The following CCDC77 variants were observed in gnomAD, a reference collection of about 807,000 sequenced individuals.
The protein encoded by CCDC77 is coiled-coil domain containing 77, also known as coiled-coil domain-containing protein 77.
CCDC77 carries 56 observed loss-of-function variants against 66.8 expected under a neutral mutation model. The ratio of observed to expected loss-of-function variants is 0.84; its 90% CI spans 0.68 to 1.05. The LOEUF (loss-of-function observed/expected upper bound fraction) is 1.05. Among genes scored for constraint, CCDC77 ranks in the 50% least tolerant of loss-of-function variants. The pLI, the probability that CCDC77 is intolerant of heterozygous loss-of-function variation, is 0.00. For synonymous variants in CCDC77, 196 were observed against 195.2 expected (o/e 1.00, Z -0.03); for missense variants, 570 against 576.8 (o/e 0.99, Z 0.12).
chr12:407,981 G>A (rs1053152463), intron 2 of CCDC77, among the ~76,000 whole-genome samples: 2 of 151,876 alleles, frequency 1.3e-5, no homozygotes, highest in Non-Finnish European at 2.9e-5. Context: ...TAGAGATGGG[G>A]TTTCACCGTG....
At chr12:416,059 G>C (rs908931199) in intron 4 of CCDC77, among the ~76,000 whole-genome samples, 3 of 151,550 alleles carry the variant, frequency 2.0e-5, no homozygotes, top group African/African-American at 7.3e-5. Context: ...ATCTGGCTCG[G>C]CCTCCCAAGG....
Position 411,934 on chromosome 12 carries a change from T to C in CCDC77, c.226T>C (p.Leu76=), listed in dbSNP as rs770509627. 4.3e-6 allele frequency: 7 copies of C among 1,613,906 alleles called. No homozygotes were observed. The South Asian group carries it at 7.7e-5, about 18-fold the overall frequency. Residue 76 remains leucine (L), a synonymous_variant, in exon 4 of 13, where the codon TTG becomes CTG. Transcript: ENST00000239830. ...MAECEAENED[L]LKKLELYKEA... ...TGAGTGTGAGGCAGAAAATGAGGAC[T>C]TGCTGAAGAAACTGGAACTCTACAA...
chr12:411,113 A>C (rs574558093), intron 3 of CCDC77, among the ~76,000 whole-genome samples: 1 of 152,122 alleles, frequency 6.6e-6, no homozygotes, highest in African/African-American at 2.4e-5. Context: ...TCCAGCTTTA[A>C]ACCATTAGTA....
At chr12:391,478 A>G (rs1425797486) in intron 1 of CCDC77, among the ~76,000 whole-genome samples, 1 of 152,156 alleles carries the variant, frequency 6.6e-6, no homozygotes, top group Non-Finnish European at 1.5e-5. Context: ...AATTTACAAC[A>G]AAGTCTTTGA....
intron 3 of CCDC77, among the ~76,000 whole-genome samples, chr12:410,351 T>G (rs896502853): frequency 1.3e-5 from 2 of 152,036 alleles, no homozygotes; most frequent in African/African-American, 2.4e-5. Context: ...CACCGCAACG[T>G]CTGCCTCCCA....
intron 1 of CCDC77, among the ~76,000 whole-genome samples, chr12:402,329 T>C (rs934129891): frequency 2.0e-5 from 3 of 152,236 alleles, no homozygotes; most frequent in Non-Finnish European, 4.4e-5. Context: ...ATATGTTGAC[T>C]TGTAGATAAT....
At chr12:407,998 A>G (rs1163040061) in intron 2 of CCDC77, among the ~76,000 whole-genome samples, 1 of 152,066 alleles carries the variant, frequency 6.6e-6, no homozygotes, top group East Asian at 1.9e-4. Context: ...CGTGTTAGCC[A>G]GGATGGTCTC....
chr12:395,557 A>G (rs1018484116), intron 1 of CCDC77, among the ~76,000 whole-genome samples: 1 of 152,086 alleles, frequency 6.6e-6, no homozygotes, highest in Non-Finnish European at 1.5e-5. Flanking sequence ...TTGGAAAAAA[A>G]AACAATAAAA....
At chr12:433,767 T>C (rs767317065) in intron 9 of CCDC77, among the ~76,000 whole-genome samples, 1 of 152,100 alleles carries the variant, frequency 6.6e-6, no homozygotes, top group Non-Finnish European at 1.5e-5. Flanking sequence ...TTTACATATC[T>C]AAAAAAAACT....
upstream of CCDC77, among the ~76,000 whole-genome samples, chr12:401,345 A>T (rs547401006): frequency 4.1e-4 from 62 of 152,354 alleles, no homozygotes; most frequent in African/African-American, 1.3e-3. Context: ...GAGCAATCTT[A>T]AGTGGGGGTG....
chr12:438,362 T>G lies in CCDC77; in HGVS notation c.849T>G (p.Tyr283Ter), dbSNP rs149946039. 6.9e-5 allele frequency: 111 copies of G among 1,613,412 alleles called. No homozygotes were observed. The highest frequency in any genetic ancestry group is 2.0e-4 in the Admixed American group (12 of 59,996). The change falls in exon 10 of 13, where the codon TAT becomes TAG. Residue 283 changes from tyrosine (Y) to a stop codon, truncating the protein, a stop_gained. Transcript: ENST00000239830. LOFTEE classifies it high-confidence loss of function. ...TTCACCACACCCAAGAACTGCTCTATGAGAGCACCAAAGATTTTCTGCAAC... is the reference window on the plus strand; with the variant it reads ...TTCACCACACCCAAGAACTGCTCTAGGAGAGCACCAAAGATTTTCTGCAAC... ...KNLHHTQELL[Y>*]ESTKDFLQLR...
chr12:416,307 ATGTGTGTG>A (rs144744794), intron 4 of CCDC77, among the ~76,000 whole-genome samples: 2 of 86,766 alleles, frequency 2.3e-5, no homozygotes, highest in African/African-American at 9.3e-5. Context: ...TTAAGTGTTT[ATGTGTGTG>A]TGTGTGTGTG....
chr12:428,372 A>C (rs140808036), intron 5 of CCDC77, among the ~76,000 whole-genome samples: 2 of 151,948 alleles, frequency 1.3e-5, no homozygotes, highest in African/African-American at 4.8e-5. Context: ...TTAGCCGGGC[A>C]TAGTGGCGGG....
rs921863598 is a variant in CCDC77 at position 418,711 on chromosome 12, A to G, written c.413+75A>G. On this transcript the variant is annotated intron_variant, in intron 5 of 12. Transcript: ENST00000239830. The stretch of plus-strand genomic sequence containing the variant: ...CATTCATTCATTCATTCATTCATTC[A>G]TTGATTTAGAGGCAGTATCACTCTA... 44 of 1,495,014 alleles carry G rather than the reference A, an allele frequency of 2.9e-5. No individual in the cohort carries two copies. In the South Asian group the frequency reaches 4.9e-4, roughly 17 times the overall value. The allele number at this position is 1,495,014 out of a possible 1,614,324, so 92.6% of individuals were successfully genotyped here. A position where few individuals can be genotyped will look rare whatever the true frequency, so the allele number is the denominator to read the frequency against.
chr12:399,968 G>A (rs1409019309), upstream of CCDC77, among the ~76,000 whole-genome samples: 1 of 152,174 alleles, frequency 6.6e-6, no homozygotes, highest in Non-Finnish European at 1.5e-5. Flanking sequence ...CCAATAAAAG[G>A]CTGGTTCATA....
At chr12:431,209 G>GTTTTTTTTTTTTTTTTTTTTTTTTTTTTT (rs1344170866) in intron 7 of CCDC77, among the ~76,000 whole-genome samples, 2 of 71,236 alleles carry the variant, frequency 2.8e-5, no homozygotes, top group African/African-American at 4.1e-5. Flanking sequence ...ATTTTGCTCA[G>GTTTTTTTTTTTTTTTTTTTTTTTTTTTTT]TTCTTTTTTT....
chr12:396,552 C>T (rs192464389), intron 1 of CCDC77, among the ~76,000 whole-genome samples: 1 of 152,244 alleles, frequency 6.6e-6, no homozygotes, highest in African/African-American at 2.4e-5. Context: ...AGCATCTATG[C>T]CTTTTGGTAC....
chr12:431,819 G>A, intron 7 of CCDC77, 47 bp from the exon 8 acceptor site: 1 of 1,269,628 alleles, frequency 7.9e-7, no homozygotes, highest in Non-Finnish European at 1.1e-6. Context: ...ATAGCACACA[G>A]AAAAGCTGAG....
chr12:431,493 G>A (rs1945651449), intron 7 of CCDC77, among the ~76,000 whole-genome samples: 1 of 152,068 alleles, frequency 6.6e-6, no homozygotes, highest in Admixed American at 6.5e-5. Flanking sequence ...GCCTCCCAAA[G>A]CACTGAGATT....
Sources: allele counts gnomAD v4.1 joint callset (sites outside exome capture counted in the v4.1 genomes callset), GRCh38; gene constraint gnomAD v4.1.1; transcripts MANE v1.5; gene names NCBI Gene and HGNC (gene_info 2026-07-23, HGNC 2026-07-21).